PUDP: variants seen among roughly 807,000 people sequenced by gnomAD.
PUDP encodes pseudouridine 5'-phosphatase, also known as pseudouridine-5'-phosphatase.
A neutral mutation model predicts 9.4 loss-of-function variants in PUDP; 8 were observed. That is an observed-to-expected ratio of 0.85 (90% CI 0.50 to 1.53). PUDP has a LOEUF of 1.53. PUDP is among the 40% of genes most tolerant of loss of function. The pLI, the probability that PUDP is intolerant of heterozygous loss-of-function variation, is 0.00. For missense variants in PUDP, 188 were observed against 189.7 expected (o/e 0.99, Z 0.05); for synonymous variants, 99 against 80.7 (o/e 1.23, Z -1.22).
intron 3 of PUDP, among the ~76,000 whole-genome samples, chrX:6,960,128 C>T (rs1347916450): frequency 8.9e-6 from 1 of 112,165 alleles, no homozygotes; most frequent in Non-Finnish European, 1.9e-5. Context: ...GGAGTTAAGA[C>T]TTTGGGGCTA....
chrX:6,775,523 A>ACACC, intron 3 of PUDP, among the ~76,000 whole-genome samples: 1 of 111,186 alleles, frequency 9.0e-6, no homozygotes, highest in Non-Finnish European at 1.9e-5. Flanking sequence ...ACACACACAC[A>ACACC]CACATATATG....
At chrX:6,793,502 C>T (rs865944949) in intron 3 of PUDP, among the ~76,000 whole-genome samples, 2 of 112,068 alleles carry the variant, frequency 1.8e-5, no homozygotes, top group Middle Eastern at 9.2e-3. Context: ...CGAACCATAG[C>T]AGGAGTCATG....
rs148915413 is a variant in PUDP, at chrX:6,900,738, C to T, written c.*247+76395G>A. On this transcript the variant is annotated intron_variant and NMD_transcript_variant, in intron 3 of 3. Coordinates refer to the PUDP transcript ENST00000655425. Reference sequence around the variant, plus strand: ...GAGAGGGAGTCAACCACTGAGGACACGAGGGCATACCAGATGACCAATTTT... The same window carrying T: ...GAGAGGGAGTCAACCACTGAGGACATGAGGGCATACCAGATGACCAATTTT... 7.1e-3 allele frequency among the ~76,000 whole-genome samples: 762 copies of T among 107,142 alleles called. 9 individuals carry two copies. The highest frequency in any genetic ancestry group is 0.024 in the African/African-American group (716 of 29,422). The allele number at this position is 107,142 out of a possible 115,157, so 93.0% of individuals were successfully genotyped here. A position where few individuals can be genotyped will look rare whatever the true frequency, so the allele number is the denominator to read the frequency against.
chrX:6,791,545 T>G (rs1025277677), intron 3 of PUDP, among the ~76,000 whole-genome samples: 1 of 111,320 alleles, frequency 9.0e-6, no homozygotes, highest in African/African-American at 3.3e-5. Flanking sequence ...ACATGGTCAC[T>G]AAAGTAGAAG....
At chrX:6,811,729 G>A (rs1340132166) in intron 3 of PUDP, among the ~76,000 whole-genome samples, 1 of 111,276 alleles carries the variant, frequency 9.0e-6, no homozygotes, top group Non-Finnish European at 1.9e-5. Context: ...TGATCCTCCT[G>A]GCTTGGCCTC....
At chrX:6,998,597 A>G (rs899177191) in intron 1 of PUDP, among the ~76,000 whole-genome samples, 1 of 112,265 alleles carries the variant, frequency 8.9e-6, no homozygotes, top group African/African-American at 3.2e-5. Flanking sequence ...TGTAGTGTTG[A>G]GCATAATGAA....
chrX:7,071,155 G>C (rs925718001), intron 3 of PUDP, among the ~76,000 whole-genome samples: 7 of 111,731 alleles, frequency 6.3e-5, no homozygotes, highest in Non-Finnish European at 1.3e-4. Context: ...AAGAGTCACA[G>C]AGATGCAAAA....
intron 3 of PUDP, among the ~76,000 whole-genome samples, chrX:6,964,854 C>T (rs1399216625): frequency 9.0e-6 from 1 of 111,085 alleles, no homozygotes; most frequent in Non-Finnish European, 1.9e-5. Flanking sequence ...TTCTCAACTG[C>T]TATGTCAGAT....
At chrX:6,868,387 G>C (rs1024766025) in intron 3 of PUDP, among the ~76,000 whole-genome samples, 1 of 111,738 alleles carries the variant, frequency 8.9e-6, no homozygotes. Context: ...TATTGAACAG[G>C]TCTAAAGGTT....
intron 3 of PUDP, among the ~76,000 whole-genome samples, chrX:6,745,476 A>G (rs1214600341): frequency 8.9e-6 from 1 of 112,187 alleles, no homozygotes; most frequent in African/African-American, 3.2e-5. Flanking sequence ...TGGAGTAAAC[A>G]ACAAAGATCA....
At chrX:6,715,959 C>T (rs748134170) in intron 1 of PUDP, among the ~76,000 whole-genome samples, 1 of 111,535 alleles carries the variant, frequency 9.0e-6, no homozygotes, top group African/African-American at 3.3e-5. Flanking sequence ...AGGGAAATAT[C>T]TTCCAACAGA....
Position 6,951,749 on chromosome X carries a change from A to C in PUDP, c.*247+25384T>G, listed in dbSNP as rs368163357. Among the ~76,000 whole-genome samples, 32 of 112,366 alleles carry C rather than the reference A, an allele frequency of 2.8e-4. No homozygotes were observed. The South Asian group carries it at 0.012, about 42-fold the overall frequency. On this transcript the variant is annotated intron_variant and NMD_transcript_variant, in intron 3 of 3. Coordinates refer to the PUDP transcript ENST00000655425. The stretch of plus-strand genomic sequence containing the variant: ...CTTACAACTGCAGCTGATGTGTTAT[A>C]GTGCTGCAGTCGGCATGCCTTCCTT...
chrX:6,907,189 T>C, intron 3 of PUDP, among the ~76,000 whole-genome samples: 2 of 110,940 alleles, frequency 1.8e-5, no homozygotes, highest in South Asian at 7.8e-4. Context: ...CAAGATCTGA[T>C]GGTTTTATAA....
intron 1 of PUDP, among the ~76,000 whole-genome samples, chrX:7,025,657 A>G (rs1250023428): frequency 8.9e-6 from 1 of 111,865 alleles, no homozygotes; most frequent in Non-Finnish European, 1.9e-5. Flanking sequence ...AAAGCGCCCT[A>G]TTCTAAGAGA....
At chrX:6,813,632 T>C (rs1483919232) in intron 3 of PUDP, among the ~76,000 whole-genome samples, 2 of 111,441 alleles carry the variant, frequency 1.8e-5, no homozygotes, top group Non-Finnish European at 1.9e-5. Flanking sequence ...TGCCCGAATC[T>C]CCTGCTTCTG....
At position 6,767,979 on chromosome X, in the gene PUDP, A is replaced by G. The variant is rs760171111; in HGVS notation, c.*248-61513T>C. ...AGCCCTTCCAGATCTCTCGTTTCCC[A>G]TGTACTCAACACCCTTCTGAACCCA... On this transcript the variant is annotated intron_variant and NMD_transcript_variant, in intron 3 of 3. Coordinates refer to the PUDP transcript ENST00000655425. 2.7e-5 allele frequency among the ~76,000 whole-genome samples: 3 copies of G among 111,653 alleles called. No homozygotes were observed. The South Asian group carries it at 1.1e-3, about 43-fold the overall frequency.
intron 3 of PUDP, among the ~76,000 whole-genome samples, chrX:6,975,761 C>G (rs989119714): frequency 1.3e-4 from 15 of 112,289 alleles, no homozygotes; most frequent in African/African-American, 4.2e-4. Context: ...ATCCACTGTT[C>G]TCTTCAGAGC....
At chrX:6,752,053 T>C (rs1185953060) in intron 3 of PUDP, among the ~76,000 whole-genome samples, 1 of 111,241 alleles carries the variant, frequency 9.0e-6, no homozygotes, top group Non-Finnish European at 1.9e-5. Flanking sequence ...GGTGCTTTAT[T>C]CTTCTCAAAT....
chrX:6,941,560 G>A (rs934201804), intron 3 of PUDP, among the ~76,000 whole-genome samples: 4 of 109,605 alleles, frequency 3.6e-5, no homozygotes, highest in Non-Finnish European at 3.8e-5. Flanking sequence ...AACTCTTCAG[G>A]TCAAGCAATC....
Sources: gnomAD v4.1 joint callset for allele counts (sites outside exome capture counted in the v4.1 genomes callset) on GRCh38, gnomAD v4.1.1 for gene constraint, MANE v1.5 for transcripts, NCBI Gene and HGNC (gene_info 2026-07-23, HGNC 2026-07-21) for gene names.